The following CSNK1G3 variants were observed in gnomAD, a reference collection of about 807,000 sequenced individuals.
CSNK1G3 encodes the protein casein kinase 1 gamma 3.
CSNK1G3 carries 23 observed loss-of-function variants against 64.3 expected under a neutral mutation model. The observed-to-expected ratio is 0.36, with a 90% CI of 0.26 to 0.51. The LOEUF is 0.51. CSNK1G3 is among the 20% of genes least tolerant of loss of function. The probability of loss-of-function intolerance (pLI) is 0.96; values close to 1 mark genes in which losing one functional copy is unlikely to be tolerated. For missense variants in CSNK1G3, 357 were observed against 510.5 expected, an observed-to-expected ratio of 0.70 and a Z score of 2.90; for synonymous variants, 158 against 162.2, an observed-to-expected ratio of 0.97 and a Z score of 0.20.
chr5:123,541,160 T>C (rs978200390), intron 1 of CSNK1G3, among the ~76,000 whole-genome samples: 2 of 152,220 alleles, frequency 1.3e-5, no homozygotes, highest in Admixed American at 1.3e-4. Flanking sequence ...AATCATGCTA[T>C]TAAAAAATTT....
exon 13 of CSNK1G3, chr5:123,616,633 GT>G (rs1749501251): frequency 6.6e-6 from 1 of 152,348 alleles, no homozygotes; most frequent in African/African-American, 2.4e-5. Flanking sequence ...AGCCAACAAT[GT>G]TTTGCATTTT....
chr5:123,615,245 A>G (rs1749263000), exon 13 of CSNK1G3: 2 of 152,660 alleles, frequency 1.3e-5, no homozygotes, highest in Non-Finnish European at 2.9e-5. Context: ...GAAATACACT[A>G]AGGAGAGGTA....
chr5:123,558,186 C>T (rs772678077), intron 4 of CSNK1G3, among the ~76,000 whole-genome samples: 8 of 152,248 alleles, frequency 5.3e-5, no homozygotes, highest in Non-Finnish European at 8.8e-5. Context: ...CAGACTCTTA[C>T]CTCCATAACT....
intron 10 of CSNK1G3, among the ~76,000 whole-genome samples, chr5:123,599,514 ATG>A (rs753404683): frequency 5.3e-5 from 8 of 152,234 alleles, no homozygotes; most frequent in South Asian, 2.1e-4. Flanking sequence ...ATGATAATAA[ATG>A]TATCTTGAGA....
At chr5:123,562,424 A>G (rs1393318608) in intron 4 of CSNK1G3, among the ~76,000 whole-genome samples, 1 of 152,058 alleles carries the variant, frequency 6.6e-6, no homozygotes, top group African/African-American at 2.4e-5. Flanking sequence ...AATGATTGGC[A>G]CTTGTAGGTT....
chr5:123,614,267 A>T, intron 12 of CSNK1G3, 75 bp from the exon 14 acceptor site: 1 of 1,416,682 alleles, frequency 7.1e-7, no homozygotes. Context: ...ATGATCATTT[A>T]AGTTAAAGTG....
chr5:123,589,951 T>C (rs1301594962), intron 8 of CSNK1G3, among the ~76,000 whole-genome samples: 1 of 152,102 alleles, frequency 6.6e-6, no homozygotes, highest in Non-Finnish European at 1.5e-5. Context: ...TATTAGTTAG[T>C]TGGTTTATGT....
intron 2 of CSNK1G3, 163 bp from the exon 3 acceptor site, chr5:123,552,944 A>G (rs1783971487): frequency 2.3e-6 from 1 of 425,750 alleles, no homozygotes; most frequent in Non-Finnish European, 4.3e-6. Context: ...CATCGAGTTG[A>G]TAATAAGTTT....
At chr5:123,529,120 T>C (rs906326053) in intron 1 of CSNK1G3, among the ~76,000 whole-genome samples, 1 of 152,166 alleles carries the variant, frequency 6.6e-6, no homozygotes, top group Non-Finnish European at 1.5e-5. Flanking sequence ...ATGGAAAAAA[T>C]TCATGTGTTA....
intron 1 of CSNK1G3, among the ~76,000 whole-genome samples, chr5:123,536,589 T>C (rs1241024282): frequency 2.6e-5 from 4 of 152,012 alleles, no homozygotes; most frequent in Non-Finnish European, 5.9e-5. Flanking sequence ...ATCATAAATG[T>C]TTGAGATGAT....
chr5:123,610,563 G>C (rs115279630), intron 12 of CSNK1G3, among the ~76,000 whole-genome samples: 1 of 152,066 alleles, frequency 6.6e-6, no homozygotes, highest in Non-Finnish European at 1.5e-5. Context: ...ATGGTGGTGC[G>C]GTGTCAATAG....
At chr5:123,562,176 T>C (rs1242086528) in intron 4 of CSNK1G3, among the ~76,000 whole-genome samples, 2 of 152,186 alleles carry the variant, frequency 1.3e-5, no homozygotes, top group Non-Finnish European at 2.9e-5. Flanking sequence ...ATGAATTCTA[T>C]TTTTCTTTAA....
intron 4 of CSNK1G3, among the ~76,000 whole-genome samples, chr5:123,559,307 A>G (rs902982628): frequency 1.3e-5 from 2 of 152,166 alleles, no homozygotes; most frequent in African/African-American, 4.8e-5. Context: ...ATTTGGAAGA[A>G]TAGGATTGAG....
At chr5:123,540,360 G>A (rs1020900345) in intron 1 of CSNK1G3, among the ~76,000 whole-genome samples, 5 of 151,798 alleles carry the variant, frequency 3.3e-5, no homozygotes, top group African/African-American at 4.8e-5. Flanking sequence ...CTGTATTAGT[G>A]ATAACTCTAT....
At chr5:123,605,196 G>T in intron 11 of CSNK1G3, 143 bp from the exon 13 acceptor site, 1 of 688,466 alleles carries the variant, frequency 1.5e-6, no homozygotes, top group Non-Finnish European at 2.3e-6. Flanking sequence ...TTTTGAATTA[G>T]TTTTTTCAAA....
In CSNK1G3 at chr5:123,609,891, T is replaced by C. The variant is rs7736114; in HGVS notation, c.1218-4451T>C. 6.9e-3 allele frequency among the ~76,000 whole-genome samples: 677 copies of C among 98,284 alleles called. 6 individuals are homozygous for C. Among genetic ancestry groups the C allele is most frequent in the African/African-American group, 0.028 (639 of 22,662 alleles). The allele number at this position is 98,284 out of a possible 152,430, so 64.5% of individuals were successfully genotyped here. On this transcript the variant is annotated intron_variant, in intron 12 of 12. Coordinates refer to ENST00000345990, the Ensembl canonical transcript of CSNK1G3. ...GTCAATGGAGAATCATTGATGAGAT[T>C]TGAGAGGAAAAGGGCATGGCATATT... is the stretch of plus-strand genomic sequence containing the variant.
intron 12 of CSNK1G3, among the ~76,000 whole-genome samples, chr5:123,611,697 C>T (rs1581466057): frequency 6.6e-6 from 1 of 152,210 alleles, no homozygotes; most frequent in Non-Finnish European, 1.5e-5. Context: ...TTGAAAGAAT[C>T]TACTTTGGAA....
At chr5:123,516,758 A>G (rs1561437023) in intron 1 of CSNK1G3, among the ~76,000 whole-genome samples, 1 of 152,214 alleles carries the variant, frequency 6.6e-6, no homozygotes, top group Non-Finnish European at 1.5e-5. Flanking sequence ...CGCATTTTTC[A>G]TAACTTTTCA....
chr5:123,572,537 C>A (rs1013588619), intron 4 of CSNK1G3, among the ~76,000 whole-genome samples: 8 of 152,094 alleles, frequency 5.3e-5, no homozygotes, highest in Non-Finnish European at 1.0e-4. Flanking sequence ...TAGAGTCTTA[C>A]CATGTGGAAA....
Sources: gnomAD v4.1 joint callset for allele counts (sites outside exome capture counted in the v4.1 genomes callset) on GRCh38, gnomAD v4.1.1 for gene constraint, MANE v1.5 for transcripts, NCBI Gene and HGNC (gene_info 2026-07-23, HGNC 2026-07-21) for gene names.